FHIT: variants seen among roughly 807,000 people sequenced by gnomAD.
FHIT encodes bis(5'-adenosyl)-triphosphatase.
A neutral mutation model predicts 17.9 loss-of-function variants in FHIT; 19 were observed. That is an observed-to-expected ratio of 1.06 (90% CI 0.74 to 1.56). FHIT has a LOEUF of 1.56. FHIT is among the 40% of genes most tolerant of loss of function. FHIT has a pLI of 0.00. For synonymous variants in FHIT, 81 were observed against 69.7 expected (o/e 1.16, Z -0.81); for missense variants, 248 against 189.2 (o/e 1.31, Z -1.82).
At chr3:60,033,135 TAA>T (rs1701071374) in intron 5 of FHIT, among the ~76,000 whole-genome samples, 3 of 152,164 alleles carry the variant, frequency 2.0e-5, no homozygotes, top group Admixed American at 2.0e-4. Flanking sequence ...CAAGCAATGA[TAA>T]AAAGACATTT....
chr3:60,761,545 T>C (rs1699656827), intron 4 of FHIT, among the ~76,000 whole-genome samples: 1 of 151,632 alleles, frequency 6.6e-6, no homozygotes. Context: ...ATGTCTGATT[T>C]GAAAAAAGAA....
At chr3:60,917,125 A>C (rs782288310) in intron 3 of FHIT, among the ~76,000 whole-genome samples, 3 of 152,226 alleles carry the variant, frequency 2.0e-5, no homozygotes, top group Non-Finnish European at 4.4e-5. Flanking sequence ...TATTGGGTAA[A>C]TAGAAATAAA....
At chr3:60,245,408 C>A (rs1705341195) in intron 5 of FHIT, among the ~76,000 whole-genome samples, 1 of 151,938 alleles carries the variant, frequency 6.6e-6, no homozygotes, top group South Asian at 2.1e-4. Flanking sequence ...CTTCAAAGTT[C>A]TAAACTTCAG....
intron 5 of FHIT, among the ~76,000 whole-genome samples, chr3:60,458,391 T>A (rs1279381312): frequency 6.9e-6 from 1 of 144,000 alleles, no homozygotes; most frequent in East Asian, 2.2e-4. Context: ...TGAGAACACA[T>A]TGACACAGGA....
At chr3:61,166,384 C>T (rs946005136) in intron 2 of FHIT, among the ~76,000 whole-genome samples, 3 of 152,158 alleles carry the variant, frequency 2.0e-5, no homozygotes, top group African/African-American at 7.2e-5. Flanking sequence ...CTTCTGTTTT[C>T]ATTATACCAC....
chr3:61,176,047 C>T (rs1044735768), intron 2 of FHIT, among the ~76,000 whole-genome samples: 5 of 152,206 alleles, frequency 3.3e-5, no homozygotes, highest in Non-Finnish European at 5.9e-5. Flanking sequence ...TATCTCAGAG[C>T]ATTCAACAAA....
At chr3:60,513,862 G>A (rs926690616) in intron 5 of FHIT, among the ~76,000 whole-genome samples, 2 of 152,142 alleles carry the variant, frequency 1.3e-5, no homozygotes, top group Non-Finnish European at 2.9e-5. Context: ...GTGCCCATAA[G>A]AACCCCAAAC....
intron 7 of FHIT, among the ~76,000 whole-genome samples, chr3:59,924,864 G>C (rs1222689982): frequency 6.6e-6 from 1 of 152,138 alleles, no homozygotes; most frequent in East Asian, 1.9e-4. Context: ...GCTCCCAGCT[G>C]ATGCTGGTCT....
chr3:59,760,997 CA>C (rs1701487392), intron 8 of FHIT, among the ~76,000 whole-genome samples: 1 of 152,146 alleles, frequency 6.6e-6, no homozygotes, highest in Admixed American at 6.5e-5. Context: ...TCTTACAACA[CA>C]ACATCAGGAC....
intron 5 of FHIT, among the ~76,000 whole-genome samples, chr3:60,100,287 G>C (rs902971567): frequency 6.6e-6 from 1 of 152,092 alleles, no homozygotes; most frequent in East Asian, 1.9e-4. Context: ...GGGAGGCTGA[G>C]ACAAGAGAAT....
At chr3:60,567,267 G>C (rs1173310360) in intron 4 of FHIT, among the ~76,000 whole-genome samples, 2 of 152,068 alleles carry the variant, frequency 1.3e-5, no homozygotes, top group African/African-American at 4.8e-5. Context: ...CAGAGATATA[G>C]ATCAATGGAA....
In FHIT at chr3:60,607,671, C is replaced by T. The variant is rs535898602; in HGVS notation, c.-17-70692G>A. 3.9e-5 allele frequency among the ~76,000 whole-genome samples: 6 copies of T among 152,152 alleles called. No homozygotes were observed. The South Asian group carries it at 6.2e-4, about 16-fold the overall frequency. ...TTGCAAACAATTCCAAGTCATTTCT[C>T]CCTTCAATTATTCCCTCTTCTCTGA... On this transcript the variant is annotated intron_variant, in intron 4 of 9. Coordinates refer to ENST00000492590, the MANE Select transcript of FHIT (RefSeq NM_002012.4).
intron 2 of FHIT, among the ~76,000 whole-genome samples, chr3:61,137,248 T>A (rs2036942652): frequency 6.8e-6 from 1 of 147,868 alleles, no homozygotes; most frequent in African/African-American, 2.5e-5. Context: ...CTAAAACGTA[T>A]CATAGGTTTC....
At chr3:61,065,363 G>A (rs781019944) in intron 2 of FHIT, among the ~76,000 whole-genome samples, 29 of 151,770 alleles carry the variant, frequency 1.9e-4, no homozygotes, top group Non-Finnish European at 3.5e-4. Context: ...AAATATAGAT[G>A]GTGTGTTCAC....
chr3:61,154,878 C>T (rs1396826795), intron 2 of FHIT, among the ~76,000 whole-genome samples: 3 of 152,126 alleles, frequency 2.0e-5, no homozygotes, highest in Non-Finnish European at 4.4e-5. Context: ...CCCTCAGATG[C>T]GCTCCAATTC....
chr3:60,937,664 A>G (rs1306580850), intron 3 of FHIT, among the ~76,000 whole-genome samples: 1 of 150,144 alleles, frequency 6.7e-6, no homozygotes, highest in African/African-American at 2.5e-5. Flanking sequence ...CCTAGGTTCA[A>G]GCAATTCTCC....
rs1304907919 is a variant in FHIT at position 59,747,374 on chromosome 3, T to C, written c.*2211A>G. 6.6e-6 allele frequency among the ~76,000 whole-genome samples: 1 copy of C among 151,992 alleles called. No individual in the cohort carries two copies. On this transcript the variant is annotated 3_prime_UTR_variant, in exon 10 of 10. Coordinates refer to ENST00000492590, the MANE Select transcript of FHIT (RefSeq NM_002012.4). ...TTACATGGCAGCAGGCAAGACAGCGTATTCAGGGGAAATGTCCTTTATAAA... is the reference window on the plus strand; with the variant it reads ...TTACATGGCAGCAGGCAAGACAGCGCATTCAGGGGAAATGTCCTTTATAAA...
chr3:60,792,933 G>A (rs552687890), intron 4 of FHIT, among the ~76,000 whole-genome samples: 2 of 151,800 alleles, frequency 1.3e-5, no homozygotes, highest in East Asian at 1.9e-4. Context: ...ATGAGTAGCC[G>A]AATAATGGTC....
rs538899851 is a variant in FHIT, at chr3:60,924,128, G to C, written c.-110-102117C>G. The stretch of plus-strand genomic sequence containing the variant: ...GCCTGCCTCTGTAGACTCCACCTCT[G>C]GGGGCAGGGCATAGACAAACAAAAG... On this transcript the variant is annotated intron_variant, in intron 3 of 9. Transcript: ENST00000492590. Among the ~76,000 whole-genome samples the C allele has an allele frequency of 1.1e-3, 163 of 152,312 alleles. 2 individuals are homozygous for C. The highest frequency in any genetic ancestry group is 3.6e-3 in the African/African-American group (151 of 41,564).
Sources: allele counts gnomAD v4.1 joint callset (sites outside exome capture counted in the v4.1 genomes callset), GRCh38; gene constraint gnomAD v4.1.1; transcripts MANE v1.5; gene names NCBI Gene and HGNC (gene_info 2026-07-23, HGNC 2026-07-21).